SLC9A9: variants seen among roughly 807,000 people sequenced by gnomAD.
SLC9A9 encodes sodium/hydrogen exchanger 9.
In SLC9A9, 62 loss-of-function variants were observed where a neutral mutation model predicts 77.8. The observed-to-expected ratio is 0.80, with a 90% confidence interval of 0.65 to 0.98. The LOEUF is 0.98. SLC9A9 is among the 50% of genes least tolerant of loss of function. The pLI is 0.00. For synonymous variants in SLC9A9, 320 were observed against 283.5 expected (o/e 1.13, Z -1.29); for missense variants, 775 against 774.9 (o/e 1.00, Z 0.00).
chr3:143,399,794 A>G (rs1304188533), intron 12 of SLC9A9, among the ~76,000 whole-genome samples: 2 of 152,142 alleles, frequency 1.3e-5, no homozygotes, highest in East Asian at 1.9e-4. Context: ...CTGACACCAC[A>G]CTATCGACAT....
intron 12 of SLC9A9, among the ~76,000 whole-genome samples, chr3:143,389,844 G>A (rs1215550164): frequency 6.6e-6 from 1 of 152,194 alleles, no homozygotes; most frequent in African/African-American, 2.4e-5. Context: ...AGACAGTTTG[G>A]ACGTCTTATT....
At chr3:143,663,166 C>A (rs2039007109) in intron 5 of SLC9A9, among the ~76,000 whole-genome samples, 1 of 152,180 alleles carries the variant, frequency 6.6e-6, no homozygotes, top group Non-Finnish European at 1.5e-5. Context: ...GATACCCAGG[C>A]AAACAGGGTC....
At chr3:143,596,098 G>GA (rs2037747016) in intron 6 of SLC9A9, among the ~76,000 whole-genome samples, 1 of 152,110 alleles carries the variant, frequency 6.6e-6, no homozygotes, top group Non-Finnish European at 1.5e-5. Context: ...TCTGAGTGAT[G>GA]AGAGGGAAAC....
intron 2 of SLC9A9, among the ~76,000 whole-genome samples, chr3:143,815,546 T>A (rs73869030): frequency 0.3 from 45,001 of 151,032 alleles, 6,760 homozygotes; most frequent in South Asian, 0.37. Flanking sequence ...TTTGCTATTT[T>A]AAAAAAAAAA....
chr3:143,810,268 A>G (rs76041821), intron 2 of SLC9A9, among the ~76,000 whole-genome samples: 5,516 of 152,348 alleles, frequency 0.036, 125 homozygotes, highest in East Asian at 0.056. Context: ...TCAGAAGGTT[A>G]CAGATATAAA....
At chr3:143,466,267 A>T (rs754268399) in intron 12 of SLC9A9, among the ~76,000 whole-genome samples, 1 of 152,230 alleles carries the variant, frequency 6.6e-6, no homozygotes, top group Non-Finnish European at 1.5e-5. Flanking sequence ...AGATTTGATA[A>T]ATAAAATGTG....
chr3:143,556,067 T>C (rs2036974601), intron 8 of SLC9A9, among the ~76,000 whole-genome samples: 1 of 152,242 alleles, frequency 6.6e-6, no homozygotes, highest in Non-Finnish European at 1.5e-5. Context: ...ACATCTATTA[T>C]CTATAAAATT....
intron 12 of SLC9A9, among the ~76,000 whole-genome samples, chr3:143,466,369 T>C (rs2035280419): frequency 6.6e-6 from 1 of 152,238 alleles, no homozygotes; most frequent in South Asian, 2.1e-4. Context: ...CACTTTAAAA[T>C]AGATTTACCC....
chr3:143,595,940 AT>A (rs1285052913), intron 6 of SLC9A9, among the ~76,000 whole-genome samples: 1 of 152,128 alleles, frequency 6.6e-6, no homozygotes, highest in Non-Finnish European at 1.5e-5. Flanking sequence ...AGTAAAAAAA[AT>A]TAAAATAATC....
At chr3:143,833,255 A>G (rs1372719303) in intron 1 of SLC9A9, among the ~76,000 whole-genome samples, 1 of 152,102 alleles carries the variant, frequency 6.6e-6, no homozygotes, top group Admixed American at 6.5e-5. Flanking sequence ...TCATCTAATA[A>G]CCTTTTATTT....
chr3:143,615,023 A>G (rs527567035), intron 6 of SLC9A9, among the ~76,000 whole-genome samples: 2 of 152,276 alleles, frequency 1.3e-5, no homozygotes, highest in Non-Finnish European at 2.9e-5. Context: ...GGGAGACAGC[A>G]TGGCTTCTCC....
intron 2 of SLC9A9, among the ~76,000 whole-genome samples, chr3:143,802,310 A>G (rs148464164): frequency 1.2e-3 from 190 of 152,200 alleles, no homozygotes; most frequent in African/African-American, 4.4e-3. Flanking sequence ...CCTTTCCATC[A>G]TGGAAATCTG....
chr3:143,429,766 G>GGCA (rs397712414), intron 12 of SLC9A9, among the ~76,000 whole-genome samples: 3 of 151,962 alleles, frequency 2.0e-5, no homozygotes, highest in South Asian at 2.1e-4. Context: ...TCCTCAGAGC[G>GGCA]TGTGTAGGAT....
intron 12 of SLC9A9, among the ~76,000 whole-genome samples, chr3:143,442,132 A>G (rs2034752005): frequency 5.3e-5 from 8 of 152,168 alleles, no homozygotes; most frequent in Admixed American, 4.6e-4. Context: ...GTTGCTGAGG[A>G]AGGTGCCTGC....
intron 12 of SLC9A9, among the ~76,000 whole-genome samples, chr3:143,401,293 G>A (rs1223930101): frequency 6.6e-6 from 1 of 152,100 alleles, no homozygotes; most frequent in Non-Finnish European, 1.5e-5. Context: ...CCCTCTCTGG[G>A]TTCTGGTTAA....
intron 6 of SLC9A9, chr3:143,627,583 G>A: frequency 3.1e-6 from 1 of 326,914 alleles, no homozygotes; most frequent in Non-Finnish European, 6.0e-6. Context: ...TTCTTTTCTG[G>A]CAGACCTCTC....
At chr3:143,484,833 C>T (rs2035631815) in intron 11 of SLC9A9, among the ~76,000 whole-genome samples, 1 of 152,138 alleles carries the variant, frequency 6.6e-6, no homozygotes, top group African/African-American at 2.4e-5. Flanking sequence ...CACAAACTCC[C>T]CATGTCTCAT....
intron 4 of SLC9A9, among the ~76,000 whole-genome samples, chr3:143,755,190 G>A (rs2006880838): frequency 6.6e-6 from 1 of 152,116 alleles, no homozygotes; most frequent in African/African-American, 2.4e-5. Flanking sequence ...CTCTCAGAGA[G>A]CAGGAGGCCT....
chr3:143,748,924 C>T (rs1466997560), intron 4 of SLC9A9, among the ~76,000 whole-genome samples: 1 of 151,376 alleles, frequency 6.6e-6, no homozygotes, highest in Non-Finnish European at 1.5e-5. Context: ...AGGATGGTCT[C>T]GATCTCCTGA....
Sources: allele counts gnomAD v4.1 joint callset (sites outside exome capture counted in the v4.1 genomes callset), GRCh38; gene constraint gnomAD v4.1.1; transcripts MANE v1.5; gene names NCBI Gene and HGNC (gene_info 2026-07-23, HGNC 2026-07-21).